COL26A1: variants seen among roughly 807,000 people sequenced by gnomAD.
COL26A1 encodes collagen alpha-1(XXVI) chain.
Under a neutral mutation model 59.3 loss-of-function variants are expected in COL26A1, and 41 were observed. The observed-to-expected ratio is 0.69, with a 90% CI of 0.54 to 0.90. The LOEUF (loss-of-function observed/expected upper bound fraction) is 0.90, where lower values mean the gene tolerates loss of function less well. Among genes scored for constraint, COL26A1 ranks in the 40% least tolerant of loss-of-function variants. The probability of loss-of-function intolerance (pLI) is 0.00; values close to 1 mark genes in which losing one functional copy is unlikely to be tolerated. For synonymous variants in COL26A1, 266 were observed against 256.0 expected, an observed-to-expected ratio of 1.04 and a Z score of -0.37; for missense variants, 612 against 602.3, an observed-to-expected ratio of 1.02 and a Z score of -0.17.
rs531338695 is a variant in COL26A1 at position 101,379,737 on chromosome 7, C to G, written c.158+16547C>G. Among the ~76,000 whole-genome samples, 50 of 152,294 alleles carry G rather than the reference C, an allele frequency of 3.3e-4. 1 individual carries two copies. The South Asian group carries it at 5.6e-3, about 17-fold the overall frequency. ...GTTGCAGTAAAAAAGCCGGCCAAAA[C>G]CCACCAAAACCAAGATGGAGATGAG... On this transcript the variant is annotated intron_variant, in intron 1 of 12. Transcript: ENST00000313669.
intron 1 of COL26A1, among the ~76,000 whole-genome samples, chr7:101,413,224 A>C (rs1792285555): frequency 6.6e-6 from 1 of 152,158 alleles, no homozygotes; most frequent in South Asian, 2.1e-4. Context: ...TCTTGCAAGA[A>C]AAAGAGACTT....
chr7:101,453,462 A>G (rs187026341), intron 3 of COL26A1, among the ~76,000 whole-genome samples: 112 of 152,340 alleles, frequency 7.4e-4, no homozygotes, highest in Admixed American at 1.7e-3. Flanking sequence ...CACCAGAAAC[A>G]TCTGGAGTTC....
At chr7:101,531,161 C>T (rs570570143) in intron 3 of COL26A1, among the ~76,000 whole-genome samples, 7 of 152,096 alleles carry the variant, frequency 4.6e-5, no homozygotes, top group South Asian at 2.1e-4. Context: ...TTAGTAGAGA[C>T]GGGGTTTCAC....
chr7:101,372,180 T>C (rs1791210609), intron 1 of COL26A1, among the ~76,000 whole-genome samples: 1 of 150,322 alleles, frequency 6.7e-6, no homozygotes, highest in Non-Finnish European at 1.5e-5. Flanking sequence ...GCATTTTGTT[T>C]TTTGAGACGG....
intron 3 of COL26A1, among the ~76,000 whole-genome samples, chr7:101,497,566 C>T (rs1286997335): frequency 6.6e-6 from 1 of 152,032 alleles, no homozygotes; most frequent in Non-Finnish European, 1.5e-5. Context: ...GTCCCAGCTA[C>T]TCAGGAGGCT....
chr7:101,556,182 G>A (rs1473260626), intron 12 of COL26A1, among the ~76,000 whole-genome samples: 1 of 152,194 alleles, frequency 6.6e-6, no homozygotes, highest in Non-Finnish European at 1.5e-5. Context: ...AACACTGACT[G>A]CCACTTCGGG....
chr7:101,437,721 C>T (rs1354438330), intron 2 of COL26A1, among the ~76,000 whole-genome samples: 1 of 150,418 alleles, frequency 6.6e-6, no homozygotes, highest in African/African-American at 2.5e-5. Flanking sequence ...ACTACAGGCA[C>T]GTGCCACTAC....
chr7:101,385,744 G>A (rs938976740), intron 1 of COL26A1, among the ~76,000 whole-genome samples: 1 of 151,184 alleles, frequency 6.6e-6, no homozygotes, highest in Admixed American at 6.6e-5. Flanking sequence ...TCACTCTGTC[G>A]CCCAGGTTGG....
chr7:101,555,625 G>C (rs1191961907), intron 11 of COL26A1, among the ~76,000 whole-genome samples, 162 bp from the exon 12 acceptor site: 1 of 152,072 alleles, frequency 6.6e-6, no homozygotes, highest in African/African-American at 2.4e-5. Flanking sequence ...CTGGCACATA[G>C]TTGATGATGT....
chr7:101,368,084 T>C (rs1174636985), intron 1 of COL26A1, among the ~76,000 whole-genome samples: 2 of 152,232 alleles, frequency 1.3e-5, no homozygotes, highest in East Asian at 3.8e-4. Context: ...TCATGGTGCC[T>C]GTGAACATGT....
At chr7:101,425,532 T>C (rs1456838491) in intron 2 of COL26A1, among the ~76,000 whole-genome samples, 1 of 152,170 alleles carries the variant, frequency 6.6e-6, no homozygotes, top group East Asian at 1.9e-4. Flanking sequence ...AGTCTCATTC[T>C]GTCACCCAGG....
intron 2 of COL26A1, among the ~76,000 whole-genome samples, chr7:101,423,679 G>A (rs1436293092): frequency 1.3e-5 from 2 of 152,012 alleles, no homozygotes; most frequent in Non-Finnish European, 2.9e-5. Context: ...AGGTTGCAGT[G>A]AGCCGAGATC....
At chr7:101,401,542 A>G (rs1274487534) in intron 1 of COL26A1, among the ~76,000 whole-genome samples, 19 of 147,512 alleles carry the variant, frequency 1.3e-4, no homozygotes, top group African/African-American at 4.5e-4. Context: ...AGGAGGAGGA[A>G]GAGGAAGAGT....
intron 3 of COL26A1, among the ~76,000 whole-genome samples, chr7:101,501,185 C>CAAAAAA (rs58672929): frequency 5.4e-5 from 4 of 74,418 alleles, no homozygotes; most frequent in African/African-American, 9.9e-5. Flanking sequence ...GACTCCGTCT[C>CAAAAAA]AAAAAAAAAA....
intron 4 of COL26A1, among the ~76,000 whole-genome samples, chr7:101,534,281 G>A (rs1258487540): frequency 8.4e-6 from 1 of 119,618 alleles, no homozygotes; most frequent in Non-Finnish European, 1.7e-5. Context: ...ACAGGGCCAC[G>A]TGGCAGGGAG....
At chr7:101,502,380 C>G (rs182241859) in intron 3 of COL26A1, among the ~76,000 whole-genome samples, 1 of 152,274 alleles carries the variant, frequency 6.6e-6, no homozygotes. Flanking sequence ...CAACAAAAAC[C>G]AGCTATGCTC....
chr7:101,480,648 G>A (rs555606764), intron 3 of COL26A1, among the ~76,000 whole-genome samples: 19 of 152,120 alleles, frequency 1.2e-4, no homozygotes, highest in African/African-American at 4.6e-4. Flanking sequence ...CTATAGGCGT[G>A]CGTCACCATG....
At chr7:101,543,805 G>C (rs1030212432) in intron 5 of COL26A1, among the ~76,000 whole-genome samples, 193 bp from the exon 6 acceptor site, 6 of 152,250 alleles carry the variant, frequency 3.9e-5, no homozygotes, top group Non-Finnish European at 4.4e-5. Flanking sequence ...ATAGATGTTT[G>C]TAAGTGCAAA....
chr7:101,548,665 G>A (rs1684381300), intron 8 of COL26A1, among the ~76,000 whole-genome samples: 1 of 151,914 alleles, frequency 6.6e-6, no homozygotes, highest in Admixed American at 6.6e-5. Context: ...GCTGGGGCAG[G>A]GAGGGTGGGA....
Sources: allele counts gnomAD v4.1 joint callset (sites outside exome capture counted in the v4.1 genomes callset), GRCh38; gene constraint gnomAD v4.1.1; transcripts MANE v1.5; gene names NCBI Gene and HGNC (gene_info 2026-07-23, HGNC 2026-07-21).